Variants in CELF4 observed in about 807,000 individuals in gnomAD.
The protein encoded by CELF4 is CUG-BP- and ETR-3-like factor 4.
Under a neutral mutation model 59.9 loss-of-function variants are expected in CELF4, and 18 were observed. That is an observed-to-expected ratio of 0.30 (90% CI 0.21 to 0.45). The LOEUF is 0.45. Ranked by LOEUF, CELF4 falls within the 20% of genes least tolerant of loss-of-function variation. The probability of loss-of-function intolerance (pLI) is 1.00; values close to 1 mark genes in which losing one functional copy is unlikely to be tolerated. For missense variants in CELF4, 456 were observed against 689.0 expected, an observed-to-expected ratio of 0.66 and a Z score of 3.79; for synonymous variants, 261 against 267.1, an observed-to-expected ratio of 0.98 and a Z score of 0.22.
intron 12 of CELF4, chr18:37,247,494 T>C (rs930871151): frequency 2.6e-5 from 4 of 151,750 alleles, no homozygotes; most frequent in African/African-American, 9.7e-5. Flanking sequence ...AAAGAAAATA[T>C]ATTTATACAG....
At position 37,468,102 on chromosome 18, in the gene CELF4, G is replaced by A. The variant is rs142655503; in HGVS notation, c.369+17423C>T. ...TGCAAGTACAATTTTATCCAGGATC[G>A]TTCATGTGGAAGAGGGAGAGCTCCA... On this transcript the variant is annotated intron_variant, in intron 2 of 12. Coordinates refer to ENST00000420428, the MANE Select transcript of CELF4 (RefSeq NM_020180.4). 3.2e-4 allele frequency among the ~76,000 whole-genome samples: 48 copies of A among 152,326 alleles called. No individual in the cohort carries two copies. In the East Asian group the frequency reaches 7.1e-3, roughly 23 times the overall value.
intron 1 of CELF4, among the ~76,000 whole-genome samples, chr18:37,499,863 C>T (rs139029955): frequency 2.8e-4 from 43 of 152,356 alleles, no homozygotes; most frequent in African/African-American, 9.9e-4. Flanking sequence ...GTCCTTGGCA[C>T]AGACTCATCA....
At chr18:37,382,534 G>C (rs776381895) in intron 2 of CELF4, among the ~76,000 whole-genome samples, 1 of 152,142 alleles carries the variant, frequency 6.6e-6, no homozygotes, top group Non-Finnish European at 1.5e-5. Context: ...ACTGCTTCCA[G>C]AGCCCCTGTT....
At position 37,330,791 on chromosome 18, in the gene CELF4, A is replaced by T. The variant is rs577737562; in HGVS notation, c.370-8910T>A. On this transcript the variant is annotated intron_variant, in intron 2 of 12. Transcript: ENST00000420428. ...GCCCAGAGGCCAGAATTGGGTCACC[A>T]CCGGACAGTCTTGTTTCCAGCCCAG... Among the ~76,000 whole-genome samples the T allele has an allele frequency of 9.2e-5, 14 of 152,218 alleles. No individual in the cohort carries two copies. The South Asian group carries it at 2.9e-3, about 32-fold the overall frequency.
At chr18:37,376,466 T>C (rs2098970584) in intron 2 of CELF4, among the ~76,000 whole-genome samples, 1 of 152,232 alleles carries the variant, frequency 6.6e-6, no homozygotes, top group East Asian at 1.9e-4. Context: ...TGCTTTCTTC[T>C]GCAATTCTGC....
intron 3 of CELF4, among the ~76,000 whole-genome samples, chr18:37,320,376 C>G (rs996477411): frequency 3.7e-4 from 56 of 151,892 alleles, no homozygotes; most frequent in Admixed American, 7.2e-4. Flanking sequence ...TCCTTACGCT[C>G]CCCTTGGTGG....
chr18:37,402,431 G>A (rs1358102320), intron 2 of CELF4, among the ~76,000 whole-genome samples: 1 of 152,058 alleles, frequency 6.6e-6, no homozygotes, highest in Admixed American at 6.5e-5. Flanking sequence ...GGGTCAGGGG[G>A]ACCCCAGGGA....
At chr18:37,363,972 G>A (rs2098742967) in intron 2 of CELF4, among the ~76,000 whole-genome samples, 1 of 152,222 alleles carries the variant, frequency 6.6e-6, no homozygotes, top group African/African-American at 2.4e-5. Flanking sequence ...CTGTCACTGT[G>A]TCTCCAGGAA....
intron 2 of CELF4, among the ~76,000 whole-genome samples, chr18:37,367,831 T>G (rs2098805604): frequency 6.6e-6 from 1 of 152,152 alleles, no homozygotes; most frequent in Non-Finnish European, 1.5e-5. Context: ...GGAAAGTTCA[T>G]CCATCTCTCC....
intron 2 of CELF4, among the ~76,000 whole-genome samples, chr18:37,439,067 C>A (rs1257711906): frequency 6.6e-6 from 1 of 152,194 alleles, no homozygotes; most frequent in Non-Finnish European, 1.5e-5. Context: ...GATGCTGGAA[C>A]TGCAGAGGGC....
At chr18:37,266,511 G>C (rs753958756) in intron 9 of CELF4, 22 bp downstream of exon 9, 1 of 1,579,278 alleles carries the variant, frequency 6.3e-7, no homozygotes, top group African/African-American at 1.3e-5. Flanking sequence ...GGAAGGAGCC[G>C]TGGGGACGCG....
At chr18:37,358,401 G>A (rs1040012619) in intron 2 of CELF4, among the ~76,000 whole-genome samples, 65 of 152,328 alleles carry the variant, frequency 4.3e-4, no homozygotes, top group African/African-American at 1.4e-3. Flanking sequence ...CCCCAGCCAC[G>A]TGGAACTGTG....
intron 2 of CELF4, among the ~76,000 whole-genome samples, chr18:37,356,467 AAGGTGCTGGGAAGGTCAG>A (rs1387844035): frequency 5.9e-5 from 9 of 151,872 alleles, no homozygotes; most frequent in African/African-American, 1.7e-4. Context: ...GGGAAGGTCA[AAGGTGCTGGGAAGGTCAG>A]AGGTGCTGGG....
At chr18:37,491,937 G>A (rs1265634908) in intron 1 of CELF4, among the ~76,000 whole-genome samples, 1 of 152,208 alleles carries the variant, frequency 6.6e-6, no homozygotes, top group Non-Finnish European at 1.5e-5. Context: ...TTGTCATTGT[G>A]AAGTGAAGGA....
intron 2 of CELF4, among the ~76,000 whole-genome samples, chr18:37,420,967 T>C (rs1478254422): frequency 6.6e-6 from 1 of 152,242 alleles, no homozygotes; most frequent in African/African-American, 2.4e-5. Flanking sequence ...AGAACTTGGC[T>C]TGAACCTAGG....
chr18:37,251,420 CCTT>C (rs1329160224), intron 12 of CELF4, among the ~76,000 whole-genome samples: 1 of 152,160 alleles, frequency 6.6e-6, no homozygotes, highest in African/African-American at 2.4e-5. Flanking sequence ...CCTTCTCACT[CCTT>C]CATCTGGGAA....
intron 2 of CELF4, among the ~76,000 whole-genome samples, chr18:37,470,879 T>TGAGAGAGAGAGAGA (rs1569569553): frequency 4.7e-5 from 4 of 85,100 alleles, no homozygotes; most frequent in Non-Finnish European, 4.9e-5. Flanking sequence ...TGTGTGTGTG[T>TGAGAGAGAGAGAGA]GTGTGTGTGA....
At chr18:37,405,285 G>C (rs535602005) in intron 2 of CELF4, among the ~76,000 whole-genome samples, 1 of 152,354 alleles carries the variant, frequency 6.6e-6, no homozygotes, top group South Asian at 2.1e-4. Flanking sequence ...CCTCAGGCAG[G>C]GGCATGATCC....
chr18:37,389,309 C>T (rs1183010662), intron 2 of CELF4, among the ~76,000 whole-genome samples: 3 of 152,180 alleles, frequency 2.0e-5, no homozygotes, highest in African/African-American at 4.8e-5. Flanking sequence ...GATCAGAGTC[C>T]ACACCCACAG....
Sources: gnomAD v4.1 joint callset for allele counts (sites outside exome capture counted in the v4.1 genomes callset) on GRCh38, gnomAD v4.1.1 for gene constraint, MANE v1.5 for transcripts, NCBI Gene and HGNC (gene_info 2026-07-23, HGNC 2026-07-21) for gene names.